CARNS1: variants seen among roughly 807,000 people sequenced by gnomAD.
The protein encoded by CARNS1 is carnosine synthase 1.
In CARNS1, 61 loss-of-function variants were observed where a neutral mutation model predicts 74.0. The ratio of observed to expected loss-of-function variants is 0.82; its 90% CI spans 0.67 to 1.02. The LOEUF (loss-of-function observed/expected upper bound fraction) is 1.02, where lower values mean the gene tolerates loss of function less well. CARNS1 is among the 50% of genes least tolerant of loss of function. The pLI, the probability that CARNS1 is intolerant of heterozygous loss-of-function variation, is 0.00. For missense variants in CARNS1, 1,278 were observed against 1,308.4 expected, an observed-to-expected ratio of 0.98 and a Z score of 0.36; for synonymous variants, 568 against 605.5, an observed-to-expected ratio of 0.94 and a Z score of 0.91.
intron 9 of CARNS1, among the ~76,000 whole-genome samples, chr11:67,422,099 C>G (rs1365175883): frequency 6.6e-6 from 1 of 151,062 alleles, no homozygotes; most frequent in African/African-American, 2.4e-5. Context: ...GTCTCGATCT[C>G]CTGACCTCGT....
At chr11:67,421,260 C>T in intron 9 of CARNS1, 41 bp downstream of exon 9, 1 of 1,424,614 alleles carries the variant, frequency 7.0e-7, no homozygotes, top group Non-Finnish European at 9.1e-7. Flanking sequence ...CAGGTCCTGG[C>T]CCGAGTGGTG....
Position 67,420,753 on chromosome 11 carries a change from G to C in CARNS1, c.1258G>C (p.Glu420Gln). ...AVRQRVKAAA[E>Q]AALAAVLALE... ...GCGGCAGCGCGTCAAGGCGGCGGCCGAGGCCGCGCTGGCCGCCGTGCTGGC... is the reference window on the plus strand; with the variant it reads ...GCGGCAGCGCGTCAAGGCGGCGGCCCAGGCCGCGCTGGCCGCCGTGCTGGC... The change falls in exon 8 of 10, where the codon GAG becomes CAG. Residue 420 changes from glutamate (E) to glutamine (Q), a missense_variant. Transcript: ENST00000687366. The C allele has an allele frequency of 4.0e-6, 5 of 1,245,872 alleles. No homozygotes were observed. The highest frequency in any genetic ancestry group is 3.2e-5 in the East Asian group (1 of 31,534). The allele number at this position is 1,245,872 out of a possible 1,614,324, so 77.2% of individuals were successfully genotyped here.
At position 67,418,889 on chromosome 11, in the gene CARNS1, T is replaced by C. The variant is rs542490944; in HGVS notation, c.498T>C (p.Phe166=). 1.7e-5 allele frequency: 27 copies of C among 1,598,890 alleles called. No individual in the cohort carries two copies. In the African/African-American group the frequency reaches 3.5e-4, roughly 21 times the overall value. ...HPGGLTFLDD[F]VPPRRATYFL... ...GGGGCCTGACATTCCTGGATGACTTTGTCCCCCCGCGCCGTGCCACCTACT... is the reference window on the plus strand; with the variant it reads ...GGGGCCTGACATTCCTGGATGACTTCGTCCCCCCGCGCCGTGCCACCTACT... Residue 166 remains phenylalanine, a synonymous_variant, in exon 5 of 10, where the codon TTT becomes TTC. Coordinates refer to ENST00000687366, the MANE Select transcript of CARNS1 (RefSeq NM_001166222.2).
chr11:67,417,348 G>A lies in CARNS1; in HGVS notation c.4-59G>A, dbSNP rs1172370083. On this transcript the variant is annotated intron_variant, in intron 2 of 9. Coordinates refer to ENST00000687366, the MANE Select transcript of CARNS1 (RefSeq NM_001166222.2). ...GAGAGTGGGGGGCTTACACCCTTGG[G>A]TGACTTAATGTGCCCACTGGCCCAC... 6.2e-6 allele frequency: 8 copies of A among 1,286,764 alleles called. No individual in the cohort carries two copies. In the African/African-American group the frequency reaches 9.2e-5, roughly 15 times the overall value. 79.7% of individuals were successfully genotyped at this position (1,286,764 alleles called of 1,614,324 possible).
chr11:67,424,012 C>A lies in CARNS1; in HGVS notation c.2264C>A (p.Thr755Lys). 6.2e-7 allele frequency: 1 copy of A among 1,612,960 alleles called. No individual in the cohort carries two copies. The highest frequency in any genetic ancestry group is 1.1e-5 in the South Asian group (1 of 91,062). ...LAAFVSDNGP[T>K]RLPGFTETAA... Reference sequence around the variant, plus strand: ...GCCTTTGTCTCCGACAATGGCCCTACGAGGCTGCCTGGCTTCACTGAGACG... The same window carrying A: ...GCCTTTGTCTCCGACAATGGCCCTAAGAGGCTGCCTGGCTTCACTGAGACG... Residue 755 changes from threonine to lysine, a missense_variant, in exon 10 of 10, where the codon ACG becomes AAG. Physicochemically the swap from Thr to Lys is moderately conservative, Grantham distance 78. This residue lies in a region of CARNS1 where 1,164 missense variants were observed against 1,156.5 expected (regional missense o/e 1.01). Transcript: ENST00000687366.
In CARNS1 at chr11:67,419,748, C is replaced by G. The variant is rs750359189; in HGVS notation, c.1028-5C>G. ...CTGGCCTTAGACCTCCCCGTCTTCCCCCAGATGGTCCTTCACCCGGCCCCG... is the reference window on the plus strand; with the variant it reads ...CTGGCCTTAGACCTCCCCGTCTTCCGCCAGATGGTCCTTCACCCGGCCCCG... On this transcript the variant is annotated splice_region_variant and splice_polypyrimidine_tract_variant and intron_variant, in intron 6 of 9. Transcript: ENST00000687366. 1 of 1,602,402 alleles carries G rather than the reference C, an allele frequency of 6.2e-7. No individual in the cohort carries two copies. The highest frequency in any genetic ancestry group is 1.3e-5 in the African/African-American group (1 of 74,552).
Position 67,418,694 on chromosome 11 carries a change from G to A in CARNS1, c.365-62G>A, listed in dbSNP as rs552741498. 4.2e-5 allele frequency: 62 copies of A among 1,484,148 alleles called. No individual in the cohort carries two copies. The Middle Eastern group carries it at 5.6e-4, about 13-fold the overall frequency. 91.9% of individuals were successfully genotyped at this position (1,484,148 alleles called of 1,614,324 possible). ...ATCAGCTGCTTCCACTCCGCTACCCGGGGGCCCGGGCATAGGGCATCAAGC... is the reference window on the plus strand; with the variant it reads ...ATCAGCTGCTTCCACTCCGCTACCCAGGGGCCCGGGCATAGGGCATCAAGC... On this transcript the variant is annotated intron_variant, in intron 4 of 9. Coordinates refer to ENST00000687366, the MANE Select transcript of CARNS1 (RefSeq NM_001166222.2).
In CARNS1 at chr11:67,424,781, CAAG is replaced by C; in HGVS notation, c.*181_*183del. The C allele has an allele frequency of 1.4e-6, 1 of 710,604 alleles. No homozygotes were observed. Among genetic ancestry groups the C allele is most frequent in the Non-Finnish European group, 2.3e-6 (1 of 433,444 alleles). The allele number at this position is 710,604 out of a possible 1,614,324, so 44.0% of individuals were successfully genotyped here. On this transcript the variant is annotated 3_prime_UTR_variant, in exon 10 of 10. Coordinates refer to ENST00000687366, the MANE Select transcript of CARNS1 (RefSeq NM_001166222.2). ...TTTAGACACCAAGGCATCCTGGACT[CAAG>C]GGCCTCTTGCCCTCCCGAAGGCCCC...
chr11:67,416,398 T>C (rs1863545664), intron 2 of CARNS1, 196 bp downstream of exon 2: 1 of 1,415,816 alleles, frequency 7.1e-7, no homozygotes, highest in African/African-American at 1.4e-5. Flanking sequence ...CCTGTGACAT[T>C]CATTCATTCC....
chr11:67,420,821 G>A lies in CARNS1; in HGVS notation c.1326G>A (p.Arg442=). ...GTGCCGAGCAGCGCGGCGGGCGCCG[G>A]GCGCACACGGACTTCCTGGGTGAGT... ...GLSAEQRGGR[R]AHTDFLGVDF... is the part of the protein sequence containing the mutation. The change falls in exon 8 of 10, where the codon CGG becomes CGA. Residue 442 remains arginine, a synonymous_variant. Transcript: ENST00000687366. The A allele has an allele frequency of 3.3e-6, 4 of 1,223,120 alleles. No individual in the cohort carries two copies. Among genetic ancestry groups the A allele is most frequent in the Non-Finnish European group, 4.1e-6 (4 of 983,416 alleles). The allele number at this position is 1,223,120 out of a possible 1,614,324, so 75.8% of individuals were successfully genotyped here.
At position 67,418,944 on chromosome 11, in the gene CARNS1, C is replaced by T. The variant is rs372520034; in HGVS notation, c.553C>T (p.Arg185Trp). The change falls in exon 5 of 10, where the codon CGG (arginine) becomes TGG (tryptophan). Residue 185 changes from arginine (R) to tryptophan (W), a missense_variant. Physicochemically the swap from Arg to Trp is moderately radical, Grantham distance 101. Coordinates refer to ENST00000687366, the MANE Select transcript of CARNS1 (RefSeq NM_001166222.2). ...FLAGLGLGPG[R>W]GREAAELARD... is the part of the protein sequence containing the mutation. ...GGCAGGCCTGGGCCTGGGGCCTGGCCGGGGCCGAGAGGCAGCAGAACTCGC... is the reference window on the plus strand; with the variant it reads ...GGCAGGCCTGGGCCTGGGGCCTGGCTGGGGCCGAGAGGCAGCAGAACTCGC... 35 of 1,576,870 alleles carry T rather than the reference C, an allele frequency of 2.2e-5. No individual in the cohort carries two copies. The highest frequency in any genetic ancestry group is 1.9e-4 in the African/African-American group (14 of 73,996).
rs371563404 is a variant in CARNS1, at chr11:67,418,967, C to T, written c.576C>T (p.Leu192=). 9.1e-5 allele frequency: 143 copies of T among 1,568,372 alleles called. No homozygotes were observed. The African/African-American group carries it at 1.5e-3, about 16-fold the overall frequency. The change falls in exon 5 of 10, where the codon CTC becomes CTT. Residue 192 remains leucine (L), a synonymous_variant. Coordinates refer to ENST00000687366, the MANE Select transcript of CARNS1 (RefSeq NM_001166222.2). ...GCCGGGGCCGAGAGGCAGCAGAACT[C>T]GCCCGTGACCTGACCTGCCCCACAG... is the stretch of plus-strand genomic sequence containing the variant. ...GPGRGREAAE[L]ARDLTCPTGA...
intron 7 of CARNS1, 27 bp downstream of exon 7, chr11:67,419,865 G>T: frequency 6.4e-7 from 1 of 1,554,962 alleles, no homozygotes. Context: ...CCCAGGCTGT[G>T]ACCCTGCCTG....
At position 67,419,555 on chromosome 11, in the gene CARNS1, G is replaced by A; in HGVS notation, c.921G>A (p.Glu307=). The A allele has an allele frequency of 1.2e-6, 2 of 1,607,472 alleles. No individual in the cohort carries two copies. Among genetic ancestry groups the A allele is most frequent in the Non-Finnish European group, 1.7e-6 (2 of 1,178,554 alleles). Residue 307 remains glutamate (E), a synonymous_variant, in exon 6 of 10, where the codon GAG becomes GAA. Coordinates refer to ENST00000687366, the MANE Select transcript of CARNS1 (RefSeq NM_001166222.2). ...RQAWRLHPRA[E]LGAVVDTVLA... ...CATGGCGTCTGCACCCGCGGGCAGA[G>A]CTGGGTGCAGTGGTGGACACAGTGC...
chr11:67,417,704 C>T (rs1863582938), intron 3 of CARNS1, 27 bp downstream of exon 3: 5 of 1,242,358 alleles, frequency 4.0e-6, no homozygotes, highest in Non-Finnish European at 1.0e-6. Flanking sequence ...TGGAGGGAGG[C>T]ACCTCTGGGG....
chr11:67,423,637 C>A lies in CARNS1; in HGVS notation c.1889C>A (p.Thr630Asn). Reference sequence around the variant, plus strand: ...CGCCTGGCTAAGCAGAAGAGCCTCACCCAGCTGCACCTGTTGCACCACCAT... The same window carrying A: ...CGCCTGGCTAAGCAGAAGAGCCTCAACCAGCTGCACCTGTTGCACCACCAT... Reference protein sequence around the residue: ...AMRLAKQKSLTQLHLLHHHGP... With the variant: ...AMRLAKQKSLNQLHLLHHHGP... The change falls in exon 10 of 10, where the codon ACC (threonine) becomes AAC (asparagine). Residue 630 changes from threonine to asparagine, a missense_variant. Physicochemically the swap from Thr to Asn is moderately conservative, Grantham distance 65 (BLOSUM62 0). This residue lies in a region of CARNS1 where 1,164 missense variants were observed against 1,156.5 expected (regional missense o/e 1.01). Transcript: ENST00000687366. The surrounding 1 kb of genome is among the most constrained non-coding windows in gnomAD (Gnocchi z 5.1). 6.2e-7 allele frequency: 1 copy of A among 1,608,300 alleles called. No homozygotes were observed. The highest frequency in any genetic ancestry group is 8.5e-7 in the Non-Finnish European group (1 of 1,178,418).
Position 67,423,138 on chromosome 11 carries a change from C to T in CARNS1, c.1627-237C>T, listed in dbSNP as rs549616889. On this transcript the variant is annotated intron_variant, in intron 9 of 9. Coordinates refer to ENST00000687366, the MANE Select transcript of CARNS1 (RefSeq NM_001166222.2). This position sits in a 1 kb window ranked among gnomAD's most constrained non-coding sequence, Gnocchi z 5.1. ...TGCAGCCACCTGGCTGACTCATATT[C>T]TTCAGCTCCCAGCTTAGGCATTGCC... Among the ~76,000 whole-genome samples the T allele has an allele frequency of 1.8e-4, 27 of 152,342 alleles. No individual in the cohort carries two copies. Among genetic ancestry groups the T allele is most frequent in the African/African-American group, 6.5e-4 (27 of 41,576 alleles).
intron 5 of CARNS1, 99 bp downstream of exon 5, chr11:67,419,342 T>C (rs1459461925): frequency 2.8e-5 from 41 of 1,471,962 alleles, no homozygotes; most frequent in African/African-American, 5.6e-5. Context: ...CCCTACCTCT[T>C]AGCCCTGCCG....
rs1303890715 is a variant in CARNS1, at chr11:67,423,549, C to T, written c.1801C>T (p.Leu601=). 6.2e-7 allele frequency: 1 copy of T among 1,612,500 alleles called. No homozygotes were observed. Among genetic ancestry groups the T allele is most frequent in the African/African-American group, 1.3e-5 (1 of 74,920 alleles). ...CTGCTTCTCCTACTGGGATGACTGC[C>T]TGGTGCTCACAGCCCTGCTCTGCCA... The part of the protein sequence containing the change: ...DGCFSYWDDC[L]VLTALLCQEL... Residue 601 remains leucine, a synonymous_variant, in exon 10 of 10, where the codon CTG becomes TTG. Coordinates refer to ENST00000687366, the MANE Select transcript of CARNS1 (RefSeq NM_001166222.2). This position sits in a 1 kb window ranked among gnomAD's most constrained non-coding sequence, Gnocchi z 5.1.
Sources: gnomAD v4.1 joint callset for allele counts (sites outside exome capture counted in the v4.1 genomes callset) on GRCh38, gnomAD v4.1.1 for gene constraint, gnomAD v4.1.1 regional missense constraint, Gnocchi (gnomAD v3.1) non-coding constraint, MANE v1.5 for transcripts, NCBI Gene and HGNC (gene_info 2026-07-23, HGNC 2026-07-21) for gene names.